The following PEAK1 variants were observed in gnomAD, a reference collection of about 807,000 sequenced individuals.
PEAK1 encodes pseudopodium enriched atypical kinase 1, also known as inactive tyrosine-protein kinase PEAK1.
A neutral mutation model predicts 124.7 loss-of-function variants in PEAK1; 54 were observed. The observed-to-expected ratio is 0.43, with a 90% CI of 0.35 to 0.54. PEAK1 has a LOEUF of 0.54. Ranked by LOEUF, PEAK1 falls within the 20% of genes least tolerant of loss-of-function variation. PEAK1 has a pLI of 0.01. For missense variants in PEAK1, 2,046 were observed against 2,134.5 expected, an observed-to-expected ratio of 0.96 and a Z score of 0.82; for synonymous variants, 719 against 760.0, an observed-to-expected ratio of 0.95 and a Z score of 0.89.
chr15:77,396,538 C>T (rs1421191778), intron 1 of PEAK1, among the ~76,000 whole-genome samples: 2 of 151,974 alleles, frequency 1.3e-5, no homozygotes, highest in Non-Finnish European at 2.9e-5. Context: ...ATAAGAAACA[C>T]ACTTCATCTA....
chr15:77,241,792 A>G (rs1282560458), intron 6 of PEAK1, among the ~76,000 whole-genome samples: 2 of 152,088 alleles, frequency 1.3e-5, no homozygotes, highest in Admixed American at 6.6e-5. Context: ...TAGGAGGGGT[A>G]TGCTGAGAAC....
At chr15:77,279,754 G>A (rs984795601) in intron 5 of PEAK1, among the ~76,000 whole-genome samples, 3 of 152,134 alleles carry the variant, frequency 2.0e-5, no homozygotes, top group Non-Finnish European at 4.4e-5. Context: ...GTTGTATGCT[G>A]TTAATGATTT....
At chr15:77,315,013 G>C (rs2064783996) in intron 2 of PEAK1, among the ~76,000 whole-genome samples, 1 of 151,980 alleles carries the variant, frequency 6.6e-6, no homozygotes, top group Non-Finnish European at 1.5e-5. Context: ...AGTATACCCA[G>C]CTAACAAACC....
chr15:77,346,087 TA>T, intron 2 of PEAK1: 1 of 985,456 alleles, frequency 1.0e-6, no homozygotes, highest in Middle Eastern at 5.2e-4. Flanking sequence ...GCACAACGAC[TA>T]TGCCATAAAC....
intron 2 of PEAK1, among the ~76,000 whole-genome samples, chr15:77,296,799 T>C (rs1284522301): frequency 6.6e-6 from 1 of 151,616 alleles, no homozygotes; most frequent in Non-Finnish European, 1.5e-5. Flanking sequence ...GGCCCATATT[T>C]TTCTTTTAAC....
At chr15:77,168,272 T>C (rs1306595970) in intron 7 of PEAK1, among the ~76,000 whole-genome samples, 1 of 140,650 alleles carries the variant, frequency 7.1e-6, no homozygotes, top group Admixed American at 7.0e-5. Context: ...CACATATTAA[T>C]AGGCCTATAT....
intron 6 of PEAK1, among the ~76,000 whole-genome samples, chr15:77,217,146 T>C (rs889252775): frequency 1.4e-4 from 21 of 148,350 alleles, no homozygotes; most frequent in African/African-American, 4.8e-4. Flanking sequence ...GAAGGATCAC[T>C]TGAGTATGAG....
chr15:77,255,448 C>G, intron 5 of PEAK1: 3 of 866,844 alleles, frequency 3.5e-6, no homozygotes, highest in Non-Finnish European at 4.2e-6. Flanking sequence ...AAAGAAGTTA[C>G]CTTTCTGTTT....
intron 2 of PEAK1, among the ~76,000 whole-genome samples, chr15:77,310,269 A>G (rs2064358220): frequency 6.6e-6 from 1 of 152,186 alleles, no homozygotes; most frequent in Admixed American, 6.5e-5. Flanking sequence ...AGTTTGAACT[A>G]ATAGGTTTAA....
intron 2 of PEAK1, among the ~76,000 whole-genome samples, chr15:77,324,477 A>C (rs2065442449): frequency 1.3e-5 from 2 of 152,156 alleles, no homozygotes; most frequent in Non-Finnish European, 2.9e-5. Flanking sequence ...CCAAAAGAAA[A>C]AATAAAATAC....
At chr15:77,277,567 T>A (rs2062401679) in intron 5 of PEAK1, among the ~76,000 whole-genome samples, 1 of 152,198 alleles carries the variant, frequency 6.6e-6, no homozygotes, top group South Asian at 2.1e-4. Flanking sequence ...TACTATGTTT[T>A]CAAATTCATG....
chr15:77,337,362 T>C, intron 2 of PEAK1: 3 of 953,844 alleles, frequency 3.1e-6, no homozygotes, highest in Non-Finnish European at 3.7e-6. Context: ...AATATTTATT[T>C]TAAAAATCAA....
chr15:77,338,644 A>T (rs201356313), intron 2 of PEAK1, among the ~76,000 whole-genome samples: 51,921 of 135,614 alleles, frequency 0.38, 11,026 homozygotes, highest in Non-Finnish European at 0.51. Flanking sequence ...TAAAAAAAAA[A>T]ATATATATAT....
At chr15:77,274,740 T>C (rs1434196553) in intron 5 of PEAK1, among the ~76,000 whole-genome samples, 7 of 152,156 alleles carry the variant, frequency 4.6e-5, no homozygotes, top group Admixed American at 3.9e-4. Flanking sequence ...TACACCACTA[T>C]GGAAAACAGT....
At chr15:77,175,111 T>G (rs1360874583) in intron 7 of PEAK1, among the ~76,000 whole-genome samples, 1 of 151,934 alleles carries the variant, frequency 6.6e-6, no homozygotes, top group Non-Finnish European at 1.5e-5. Flanking sequence ...TCAAGATGGA[T>G]TAAAGACTTA....
At chr15:77,350,782 C>T (rs912608869) in intron 2 of PEAK1, 4 of 980,570 alleles carry the variant, frequency 4.1e-6, no homozygotes, top group African/African-American at 1.8e-5. Flanking sequence ...TCTGTATAAC[C>T]TATTTTGTTT....
At chr15:77,355,764 G>A (rs1338730016) in intron 2 of PEAK1, 1 of 985,150 alleles carries the variant, frequency 1.0e-6, no homozygotes, top group African/African-American at 1.7e-5. Context: ...TCAGGTCTAA[G>A]AAGGCTGAGA....
intron 9 of PEAK1, among the ~76,000 whole-genome samples, chr15:77,117,874 T>C (rs2051537280): frequency 6.6e-6 from 1 of 152,214 alleles, no homozygotes; most frequent in Admixed American, 6.5e-5. Flanking sequence ...GATATTCTAA[T>C]TATATCTAGA....
At chr15:77,117,056 T>C (rs1177731211) in intron 9 of PEAK1, among the ~76,000 whole-genome samples, 1 of 152,200 alleles carries the variant, frequency 6.6e-6, no homozygotes, top group Non-Finnish European at 1.5e-5. Flanking sequence ...TCTATACTAG[T>C]CATTGTTTAG....
Sources: allele counts gnomAD v4.1 joint callset (sites outside exome capture counted in the v4.1 genomes callset), GRCh38; gene constraint gnomAD v4.1.1; transcripts MANE v1.5; gene names NCBI Gene and HGNC (gene_info 2026-07-23, HGNC 2026-07-21).